HDGFL3: variants seen among roughly 807,000 people sequenced by gnomAD.
The protein encoded by HDGFL3 is hepatoma-derived growth factor-related protein 3.
In HDGFL3, 6 loss-of-function variants were observed where a neutral mutation model predicts 27.6. That is an observed-to-expected ratio of 0.22 (90% confidence interval 0.12 to 0.43). The LOEUF is 0.43. Ranked by LOEUF, HDGFL3 falls within the 20% of genes least tolerant of loss-of-function variation. The probability of loss-of-function intolerance (pLI) is 1.00; values close to 1 mark genes in which losing one functional copy is unlikely to be tolerated. For missense variants in HDGFL3, 207 were observed against 250.1 expected (o/e 0.83, Z 1.16); for synonymous variants, 88 against 88.9 (o/e 0.99, Z 0.05).
At chr15:83,143,652 G>T (rs186912777) in intron 5 of HDGFL3, among the ~76,000 whole-genome samples, 2 of 152,156 alleles carry the variant, frequency 1.3e-5, no homozygotes, top group East Asian at 3.9e-4. Flanking sequence ...ACGGTGAGAG[G>T]TAAGACTGCA....
intron 1 of HDGFL3, among the ~76,000 whole-genome samples, chr15:83,173,911 C>G (rs1210452065): frequency 6.6e-6 from 1 of 152,240 alleles, no homozygotes; most frequent in Admixed American, 6.5e-5. Context: ...GCCTTCTTAA[C>G]TAACATACGG....
Position 83,207,606 on chromosome 15 carries a change from C to T in HDGFL3, c.-192G>A. 1 of 306,138 alleles carries T rather than the reference C, an allele frequency of 3.3e-6. No homozygotes were observed. Among genetic ancestry groups the T allele is most frequent in the Non-Finnish European group, 5.9e-6 (1 of 170,424 alleles). The allele number at this position is 306,138 out of a possible 1,614,324, so 19.0% of individuals were successfully genotyped here. On this transcript the variant is annotated 5_prime_UTR_variant, in exon 1 of 6. Coordinates refer to ENST00000299633, the MANE Select transcript of HDGFL3 (RefSeq NM_016073.4). This position sits in a 1 kb window ranked among gnomAD's most constrained non-coding sequence, Gnocchi z 4.8. ...TGGGCGGGGGGCGCAGCAGGCCCGG[C>T]AAATCACGGCCCGGCAGCGGGGGAG...
intron 3 of HDGFL3, among the ~76,000 whole-genome samples, chr15:83,117,700 T>A (rs1417395179): frequency 6.6e-6 from 1 of 152,012 alleles, no homozygotes; most frequent in Admixed American, 6.6e-5. Flanking sequence ...AGGGCCAGGC[T>A]CTGGGGACCC....
intron 1 of HDGFL3, among the ~76,000 whole-genome samples, chr15:83,178,366 T>C (rs1031075910): frequency 6.6e-6 from 1 of 152,224 alleles, no homozygotes; most frequent in Non-Finnish European, 1.5e-5. Flanking sequence ...ATAATCTAAG[T>C]AGCAGAGATG....
intron 1 of HDGFL3, among the ~76,000 whole-genome samples, chr15:83,177,971 G>C (rs1254653726): frequency 1.3e-5 from 2 of 152,134 alleles, no homozygotes; most frequent in Non-Finnish European, 2.9e-5. Context: ...ATATATTTTT[G>C]TTTATTAATG....
chr15:83,157,858 C>G, intron 3 of HDGFL3, 45 bp downstream of exon 3: 1 of 1,572,874 alleles, frequency 6.4e-7, no homozygotes, highest in Non-Finnish European at 8.7e-7. Context: ...AGCGTTAAAA[C>G]CAAAGAAATG....
intron 1 of HDGFL3, among the ~76,000 whole-genome samples, chr15:83,169,414 C>CAAAAAAAAAAAAAAAAAAAA (rs58159581): frequency 1.3e-3 from 46 of 35,580 alleles, no homozygotes; most frequent in Non-Finnish European, 1.7e-3. Context: ...GACTCCGTCT[C>CAAAAAAAAAAAAAAAAAAAA]AAAAAAAAAA....
intron 3 of HDGFL3, among the ~76,000 whole-genome samples, chr15:83,118,110 T>C (rs2034848327): frequency 6.6e-6 from 1 of 152,080 alleles, no homozygotes. Context: ...GCCTGTAATC[T>C]CAGTGCTTTG....
At chr15:83,172,331 T>C (rs964294041) in intron 1 of HDGFL3, among the ~76,000 whole-genome samples, 43 of 152,248 alleles carry the variant, frequency 2.8e-4, no homozygotes, top group African/African-American at 9.9e-4. Flanking sequence ...TCCAGCACTG[T>C]GAAGAAATAA....
chr15:83,127,302 G>C (rs1315249029), downstream of HDGFL3: 1 of 1,482,634 alleles, frequency 6.7e-7, no homozygotes, highest in African/African-American at 1.5e-5. Flanking sequence ...GTACTTTTTA[G>C]TCAGGCCAAG....
intron 3 of HDGFL3, among the ~76,000 whole-genome samples, chr15:83,121,081 T>A (rs901833494): frequency 1.4e-4 from 21 of 152,006 alleles, no homozygotes; most frequent in Non-Finnish European, 2.1e-4. Context: ...ACTTTTTTTT[T>A]TTATTTTGAG....
exon 4 of HDGFL3, chr15:83,115,687 G>T: frequency 1.4e-6 from 1 of 704,278 alleles, no homozygotes; most frequent in Admixed American, 2.0e-5. Context: ...GGTCCAGCTG[G>T]GTGTGTAGAA....
rs746488383 is a variant in HDGFL3 at position 83,139,279 on chromosome 15, TAAA to T, written c.607-7_607-5del. ...GCATTCATTATGGTAGTTAGGTCTG[TAAA>T]AAAAAAAAAAAGAAAGAAAACAAGC... On this transcript the variant is annotated splice_polypyrimidine_tract_variant and splice_region_variant and intron_variant, in intron 5 of 5. Transcript: ENST00000299633. 1.1e-3 allele frequency: 1,281 copies of T among 1,219,984 alleles called. No individual in the cohort carries two copies. Among genetic ancestry groups the T allele is most frequent in the South Asian group, 2.8e-3 (159 of 56,520 alleles). 75.6% of individuals were successfully genotyped at this position (1,219,984 alleles called of 1,614,324 possible). A position where few individuals can be genotyped will look rare whatever the true frequency, so the allele number is the denominator to read the frequency against.
chr15:83,127,656 T>A, downstream of HDGFL3: 1 of 614,664 alleles, frequency 1.6e-6, no homozygotes, highest in Non-Finnish European at 2.8e-6. Flanking sequence ...AATCTCACAA[T>A]AACTATATGG....
chr15:83,206,095 G>A (rs554160803), intron 1 of HDGFL3, among the ~76,000 whole-genome samples: 1 of 152,318 alleles, frequency 6.6e-6, no homozygotes, highest in East Asian at 1.9e-4. Context: ...TCCTGGCCTA[G>A]TGTTCTTTCC....
chr15:83,180,914 G>A (rs1207382157), intron 1 of HDGFL3: 1 of 152,016 alleles, frequency 6.6e-6, no homozygotes, highest in Non-Finnish European at 1.5e-5. Flanking sequence ...TGGGATTACA[G>A]GCGTGAATCA....
chr15:83,198,777 C>G (rs2037602332), intron 1 of HDGFL3, among the ~76,000 whole-genome samples: 2 of 152,186 alleles, frequency 1.3e-5, no homozygotes, highest in African/African-American at 4.8e-5. Flanking sequence ...AATCTATTCT[C>G]AGAGAACTAA....
At chr15:83,155,569 C>G (rs2037017608) in intron 4 of HDGFL3, among the ~76,000 whole-genome samples, 1 of 152,168 alleles carries the variant, frequency 6.6e-6, no homozygotes, top group South Asian at 2.1e-4. Flanking sequence ...AAGAAAAATT[C>G]TAATTACTTT....
At chr15:83,144,309 T>C (rs907913525) in intron 5 of HDGFL3, among the ~76,000 whole-genome samples, 5 of 152,190 alleles carry the variant, frequency 3.3e-5, no homozygotes, top group Non-Finnish European at 5.9e-5. Flanking sequence ...CCTTCTGATA[T>C]AGTCTCCAAT....
Sources: allele counts gnomAD v4.1 joint callset (sites outside exome capture counted in the v4.1 genomes callset), GRCh38; gene constraint gnomAD v4.1.1; non-coding constraint Gnocchi (gnomAD v3.1); transcripts MANE v1.5; gene names NCBI Gene and HGNC (gene_info 2026-07-23, HGNC 2026-07-21).